CTXND2: variants seen among roughly 807,000 people sequenced by gnomAD.
CTXND2 encodes cortexin domain containing 2.
chr1:150,900,111 C>A (rs587774188), intron 1 of CTXND2, among the ~76,000 whole-genome samples: 1 of 152,126 alleles, frequency 6.6e-6, no homozygotes, highest in Non-Finnish European at 1.5e-5. Flanking sequence ...CCCTTTCCAC[C>A]GTGTGGAGGC....
chr1:150,907,630 GT>G (rs1167926868), intron 1 of CTXND2, among the ~76,000 whole-genome samples: 3 of 149,740 alleles, frequency 2.0e-5, no homozygotes, highest in Admixed American at 6.7e-5. Flanking sequence ...TCTTGTATAA[GT>G]TTTTGTGTGG....
chr1:150,889,661 C>T (rs1668823196), intron 1 of CTXND2, among the ~76,000 whole-genome samples: 2 of 151,988 alleles, frequency 1.3e-5, no homozygotes, highest in Admixed American at 6.6e-5. Flanking sequence ...TGTTTTCACC[C>T]TATAGTGTGT....
intron 1 of CTXND2, among the ~76,000 whole-genome samples, chr1:150,902,989 A>T (rs886865240): frequency 2.0e-5 from 3 of 152,110 alleles, no homozygotes; most frequent in Non-Finnish European, 4.4e-5. Flanking sequence ...ACTGAACTAA[A>T]TATTTCAAAA....
chr1:150,912,392 G>T, exon 2 of CTXND2: 1 of 398,552 alleles, frequency 2.5e-6, no homozygotes. Flanking sequence ...TTCTGTTTCT[G>T]TTCCTAATAG....
chr1:150,908,548 C>T (rs1669193323), intron 1 of CTXND2, among the ~76,000 whole-genome samples: 1 of 152,098 alleles, frequency 6.6e-6, no homozygotes, highest in Admixed American at 6.6e-5. Context: ...TGGCCATTTG[C>T]ATATCTTCCT....
At chr1:150,896,342 A>G (rs188824811) in intron 1 of CTXND2, among the ~76,000 whole-genome samples, 1 of 152,362 alleles carries the variant, frequency 6.6e-6, no homozygotes, top group East Asian at 1.9e-4. Context: ...TTTTGGCCAT[A>G]TGAGTCAATA....
At chr1:150,909,313 TAAG>T (rs1669208691) in intron 1 of CTXND2, among the ~76,000 whole-genome samples, 1 of 148,392 alleles carries the variant, frequency 6.7e-6, no homozygotes, top group African/African-American at 2.5e-5. Context: ...TTTGGGAGGC[TAAG>T]GAGGGCAGAT....
At chr1:150,900,102 C>G (rs966534893) in intron 1 of CTXND2, among the ~76,000 whole-genome samples, 1 of 152,076 alleles carries the variant, frequency 6.6e-6, no homozygotes, top group Admixed American at 6.6e-5. Flanking sequence ...CGTTCGGGTC[C>G]CTTTCCACCG....
At chr1:150,912,286 T>G (rs587703284) in exon 2 of CTXND2, 3 of 398,648 alleles carry the variant, frequency 7.5e-6, no homozygotes, top group African/African-American at 2.1e-5. Context: ...TAGCTGGAGC[T>G]GGACAACAGT....
At chr1:150,905,045 G>T (rs1344789563) in intron 1 of CTXND2, among the ~76,000 whole-genome samples, 1 of 119,862 alleles carries the variant, frequency 8.3e-6, no homozygotes, top group Non-Finnish European at 1.7e-5. Context: ...CATAAGACAA[G>T]ATAATCAAAA....
At chr1:150,911,540 A>G (rs1669258191) in intron 1 of CTXND2, among the ~76,000 whole-genome samples, 1 of 151,598 alleles carries the variant, frequency 6.6e-6, no homozygotes. Flanking sequence ...AGTTCAAGCA[A>G]TTCTGCCTCA....
intron 1 of CTXND2, 68 bp downstream of exon 1, chr1:150,887,381 A>C (rs587604516): frequency 1.3e-5 from 2 of 152,274 alleles, no homozygotes; most frequent in South Asian, 4.1e-4. Flanking sequence ...AATTCTTCTG[A>C]GTTTAATAGC....
intron 1 of CTXND2, among the ~76,000 whole-genome samples, chr1:150,894,020 G>C (rs1293340044): frequency 6.6e-6 from 1 of 151,428 alleles, no homozygotes; most frequent in Admixed American, 6.6e-5. Context: ...GTCTCACTAT[G>C]TTGCTCAGGC....
chr1:150,901,598 A>C (rs1032473164), intron 1 of CTXND2, among the ~76,000 whole-genome samples: 5 of 152,208 alleles, frequency 3.3e-5, no homozygotes, highest in South Asian at 2.1e-4. Flanking sequence ...GTGACCAAGC[A>C]ATTTTCAACC....
At chr1:150,887,228 A>G (rs760348314) in exon 1 of CTXND2, 4 of 152,266 alleles carry the variant, frequency 2.6e-5, no homozygotes, top group Non-Finnish European at 5.9e-5. Flanking sequence ...GTTGATAAAA[A>G]CAGAGGCTGC....
At chr1:150,904,380 A>G (rs1571603975) in intron 1 of CTXND2, among the ~76,000 whole-genome samples, 1 of 152,218 alleles carries the variant, frequency 6.6e-6, no homozygotes, top group South Asian at 2.1e-4. Context: ...GGTTAAATGA[A>G]TATGTTCAGT....
intron 1 of CTXND2, among the ~76,000 whole-genome samples, chr1:150,894,541 T>G (rs1213713191): frequency 6.6e-6 from 1 of 152,212 alleles, no homozygotes; most frequent in African/African-American, 2.4e-5. Context: ...TATTTAAGAC[T>G]GTTTTATTAG....
intron 1 of CTXND2, among the ~76,000 whole-genome samples, chr1:150,905,148 T>TC (rs1296350680): frequency 6.7e-6 from 1 of 150,298 alleles, no homozygotes; most frequent in East Asian, 1.9e-4. Flanking sequence ...CAATTCTTTT[T>TC]TTTTTTTTTT....
intron 1 of CTXND2, among the ~76,000 whole-genome samples, chr1:150,909,009 G>C (rs1045748162): frequency 9.3e-5 from 14 of 151,110 alleles, no homozygotes; most frequent in African/African-American, 3.0e-4. Context: ...GGAGGCCAAG[G>C]GGGGCAGATC....
Sources: allele counts gnomAD v4.1 joint callset (sites outside exome capture counted in the v4.1 genomes callset), GRCh38; gene constraint gnomAD v4.1.1; transcripts MANE v1.5; gene names NCBI Gene and HGNC (gene_info 2026-07-23, HGNC 2026-07-21).